The following TTC17 variants were observed in gnomAD, a reference collection of about 807,000 sequenced individuals.
TTC17 encodes tetratricopeptide repeat protein 17.
TTC17 carries 58 observed loss-of-function variants against 143.8 expected under a neutral mutation model. The observed-to-expected ratio is 0.40, with a 90% CI of 0.33 to 0.50. TTC17 has a LOEUF of 0.50. Ranked by LOEUF, TTC17 falls within the 20% of genes least tolerant of loss-of-function variation. The probability of loss-of-function intolerance (pLI) is 0.49; values close to 1 mark genes in which losing one functional copy is unlikely to be tolerated. For synonymous variants in TTC17, 501 were observed against 497.8 expected, an observed-to-expected ratio of 1.01 and a Z score of -0.09; for missense variants, 1,273 against 1,392.5, an observed-to-expected ratio of 0.91 and a Z score of 1.37.
intron 16 of TTC17, among the ~76,000 whole-genome samples, chr11:43,440,621 T>C (rs1947394941): frequency 6.6e-6 from 1 of 152,210 alleles, no homozygotes; most frequent in Non-Finnish European, 1.5e-5. Flanking sequence ...CCTTTCTAAT[T>C]GGTCTCTTTG....
intron 16 of TTC17, chr11:43,436,460 A>G: frequency 1.2e-6 from 1 of 865,650 alleles, no homozygotes; most frequent in Non-Finnish European, 1.5e-6. Flanking sequence ...TAGCATCATG[A>G]GGGTGACCCC....
intron 2 of TTC17, among the ~76,000 whole-genome samples, chr11:43,384,365 G>A (rs1857093972): frequency 6.6e-6 from 1 of 152,126 alleles, no homozygotes; most frequent in Admixed American, 6.6e-5. Flanking sequence ...TTTAATTTTA[G>A]AAATGTTAGG....
intron 23 of TTC17, 36 bp from the exon 24 acceptor site, chr11:43,493,737 G>C (rs1948511200): frequency 6.2e-7 from 1 of 1,613,718 alleles, no homozygotes; most frequent in Non-Finnish European, 8.5e-7. Flanking sequence ...GTCTGCTGGT[G>C]CCATCCCCTC....
At position 43,391,653 on chromosome 11, in the gene TTC17, A is replaced by G; in HGVS notation, c.531+77A>G. On this transcript the variant is annotated intron_variant, in intron 4 of 23. Transcript: ENST00000039989. ...AGTTGGTCTCTCACTTATAAAGACC[A>G]TTTCTCTTTCTTCTCTCCTTCCTGA... The G allele has an allele frequency of 4.0e-6, 5 of 1,262,278 alleles. No individual in the cohort carries two copies. In the South Asian group the frequency reaches 4.3e-5, roughly 11 times the overall value. The allele number at this position is 1,262,278 out of a possible 1,614,324, so 78.2% of individuals were successfully genotyped here.
At chr11:43,431,774 G>A (rs1277358894) in intron 16 of TTC17, among the ~76,000 whole-genome samples, 3 of 152,204 alleles carry the variant, frequency 2.0e-5, no homozygotes, top group African/African-American at 7.2e-5. Flanking sequence ...GATCACTTGA[G>A]CCCAGCAGTT....
chr11:43,483,900 G>C (rs1948332391), intron 21 of TTC17, among the ~76,000 whole-genome samples: 1 of 152,174 alleles, frequency 6.6e-6, no homozygotes. Context: ...CCAGCATTTT[G>C]GGAGGCCGAA....
At chr11:43,488,882 G>A (rs1217658261) in intron 21 of TTC17, among the ~76,000 whole-genome samples, 1 of 151,978 alleles carries the variant, frequency 6.6e-6, no homozygotes, top group Non-Finnish European at 1.5e-5. Context: ...TTTATTTTTT[G>A]TAGAGACAGG....
Position 43,444,098 on chromosome 11 carries a change from C to G in TTC17, c.2554C>G (p.His852Asp), listed in dbSNP as rs1460061839. 2 of 1,612,958 alleles carry G rather than the reference C, an allele frequency of 1.2e-6. No homozygotes were observed. Among genetic ancestry groups the G allele is most frequent in the African/African-American group, 1.3e-5 (1 of 74,810 alleles). ...VKRVKKPKGD[H>D]KKTPGKKVET... ...ACGTGTAAAGAAACCCAAAGGAGAT[C>G]ATAAGAAAACTCCTGGGAAAAAAGT... The change falls in exon 18 of 24, where the codon CAT becomes GAT. Residue 852 changes from histidine to aspartate, a missense_variant. His to Asp is a moderately conservative substitution (Grantham distance 81). Around this residue, in one of 3 missense-constraint regions of TTC17, gnomAD observed 878 missense variants for 899.8 expected, o/e 0.98. Coordinates refer to ENST00000039989, the MANE Select transcript of TTC17 (RefSeq NM_018259.6).
chr11:43,399,782 C>G, intron 8 of TTC17, 106 bp from the exon 9 acceptor site: 1 of 1,122,138 alleles, frequency 8.9e-7, no homozygotes, highest in Non-Finnish European at 1.2e-6. Context: ...AAAAGGAAAA[C>G]ACACAGTAAT....
intron 21 of TTC17, among the ~76,000 whole-genome samples, chr11:43,479,206 C>T (rs1948241404): frequency 6.6e-6 from 1 of 151,670 alleles, no homozygotes; most frequent in Non-Finnish European, 1.5e-5. Context: ...CGCCACTGCA[C>T]TCCAGCCTGG....
intron 21 of TTC17, chr11:43,486,370 G>GA (rs1031732689): frequency 8.2e-5 from 36 of 439,494 alleles, no homozygotes; most frequent in East Asian, 1.4e-4. Context: ...TTATCAGATT[G>GA]AAAAAAAATA....
In TTC17 at chr11:43,389,741, C is replaced by T. The variant is rs1214955743; in HGVS notation, c.339C>T (p.Asp113=). The change falls in exon 3 of 24, where the codon GAC becomes GAT. Residue 113 remains aspartate, a synonymous_variant. Transcript: ENST00000039989. ...LEQRHNKEDP[D]CIKAKVPLGD... ...AGAGACATAATAAAGAAGACCCAGA[C>T]TGCATCAAAGCCAAGGTGCCCTTAG... The T allele has an allele frequency of 1.2e-6, 2 of 1,613,992 alleles. No homozygotes were observed. The highest frequency in any genetic ancestry group is 8.5e-7 in the Non-Finnish European group (1 of 1,179,998).
rs185118497 is a variant in TTC17, at chr11:43,403,399, A to T, written c.1333-599A>T. On this transcript the variant is annotated intron_variant, in intron 10 of 23. Coordinates refer to ENST00000039989, the MANE Select transcript of TTC17 (RefSeq NM_018259.6). ...ATCCCCAGTCCCATTCTCATTATCTAGCAAGGTTTCAGAAATACACAAGCA... is the reference window on the plus strand; with the variant it reads ...ATCCCCAGTCCCATTCTCATTATCTTGCAAGGTTTCAGAAATACACAAGCA... 2.6e-4 allele frequency among the ~76,000 whole-genome samples: 40 copies of T among 152,236 alleles called. No individual in the cohort carries two copies. In the South Asian group the frequency reaches 4.1e-3, roughly 16 times the overall value.
At chr11:43,484,688 TAAAAC>T (rs909561191) in intron 21 of TTC17, among the ~76,000 whole-genome samples, 2 of 152,148 alleles carry the variant, frequency 1.3e-5, no homozygotes, top group African/African-American at 2.4e-5. Flanking sequence ...ACTTTTTTGA[TAAAAC>T]AAGACATTAT....
At chr11:43,386,193 A>T (rs1016505596) in intron 2 of TTC17, among the ~76,000 whole-genome samples, 12 of 152,110 alleles carry the variant, frequency 7.9e-5, no homozygotes, top group African/African-American at 2.7e-4. Context: ...TTTCCTATGC[A>T]GTTTAAAAAT....
chr11:43,391,541 C>A lies in TTC17; in HGVS notation c.496C>A (p.Leu166Ile). ...ACCTGATTGTACTAAAATTCTAGAA[C>A]TTCCATATAGTATACATGCTTTTCA... ...EQPDCTKILE[L>I]PYSIHAFQHL... Residue 166 changes from leucine to isoleucine, a missense_variant, in exon 4 of 24, where the codon CTT (leucine) becomes ATT (isoleucine). Around this residue, in one of 3 missense-constraint regions of TTC17, gnomAD observed 325 missense variants for 444.2 expected, o/e 0.73. Transcript: ENST00000039989. The A allele has an allele frequency of 6.2e-7, 1 of 1,605,732 alleles. No individual in the cohort carries two copies. The highest frequency in any genetic ancestry group is 8.5e-7 in the Non-Finnish European group (1 of 1,177,662).
At chr11:43,389,138 C>CA (rs543812399) in intron 2 of TTC17, among the ~76,000 whole-genome samples, 12,533 of 108,966 alleles carry the variant, frequency 0.12, 820 homozygotes, top group Admixed American at 0.29. Flanking sequence ...GACACTGTCT[C>CA]AAAAAAAAAA....
intron 1 of TTC17, among the ~76,000 whole-genome samples, chr11:43,361,935 T>TTCC (rs1856121935): frequency 6.6e-6 from 1 of 152,038 alleles, no homozygotes; most frequent in African/African-American, 2.4e-5. Flanking sequence ...CATAAAGAAG[T>TTCC]ACTTATGACT....
chr11:43,364,210 C>T (rs946081515), intron 1 of TTC17, among the ~76,000 whole-genome samples: 5 of 152,140 alleles, frequency 3.3e-5, no homozygotes, highest in South Asian at 2.1e-4. Context: ...GTGTGCACCA[C>T]CACACCTGGC....
Sources: gnomAD v4.1 joint callset for allele counts (sites outside exome capture counted in the v4.1 genomes callset) on GRCh38, gnomAD v4.1.1 for gene constraint, gnomAD v4.1.1 regional missense constraint, MANE v1.5 for transcripts, NCBI Gene and HGNC (gene_info 2026-07-23, HGNC 2026-07-21) for gene names.